Variants in KCNH5 observed in about 807,000 individuals in gnomAD.
The protein encoded by KCNH5 is voltage-gated delayed rectifier potassium channel KCNH5.
A neutral mutation model predicts 96.1 loss-of-function variants in KCNH5; 46 were observed. The ratio of observed to expected loss-of-function variants is 0.48; its 90% CI spans 0.38 to 0.61. The LOEUF is 0.61. Ranked by LOEUF, KCNH5 falls within the 20% of genes least tolerant of loss-of-function variation. The pLI is 0.00. For missense variants in KCNH5, 907 were observed against 1,225.8 expected (o/e 0.74, Z 3.88); for synonymous variants, 439 against 449.8 (o/e 0.98, Z 0.30).
At chr14:62,982,188 G>A (rs1225143292) in intron 5 of KCNH5, among the ~76,000 whole-genome samples, 1 of 152,154 alleles carries the variant, frequency 6.6e-6, no homozygotes, top group Non-Finnish European at 1.5e-5. Flanking sequence ...TATTAGATGG[G>A]CGTGGTGGTG....
chr14:63,008,919 A>C (rs898356858), intron 2 of KCNH5, among the ~76,000 whole-genome samples: 1 of 152,130 alleles, frequency 6.6e-6, no homozygotes, highest in Non-Finnish European at 1.5e-5. Flanking sequence ...AGACAAGTGA[A>C]ATTTTTAAAT....
chr14:62,921,397 AC>A (rs1889378725), intron 7 of KCNH5, among the ~76,000 whole-genome samples: 1 of 152,096 alleles, frequency 6.6e-6, no homozygotes, highest in South Asian at 2.1e-4. Flanking sequence ...CAGTCTCAAA[AC>A]CTTAACTGAA....
intron 9 of KCNH5, among the ~76,000 whole-genome samples, chr14:62,792,025 G>T (rs192229683): frequency 6.7e-4 from 102 of 151,626 alleles, no homozygotes; most frequent in Non-Finnish European, 1.0e-3. Context: ...AAGACTATAT[G>T]ATTTTTAATT....
chr14:62,958,634 T>G (rs1288680990), intron 6 of KCNH5, among the ~76,000 whole-genome samples: 1 of 152,116 alleles, frequency 6.6e-6, no homozygotes, highest in Admixed American at 6.6e-5. Context: ...CTACCTTTTT[T>G]CTTATATAAT....
At chr14:62,828,417 G>A (rs944470033) in intron 8 of KCNH5, among the ~76,000 whole-genome samples, 1 of 152,072 alleles carries the variant, frequency 6.6e-6, no homozygotes, top group African/African-American at 2.4e-5. Context: ...CTGAGACTGG[G>A]TAATTTATGT....
intron 10 of KCNH5, among the ~76,000 whole-genome samples, chr14:62,724,265 T>C (rs1257833684): frequency 2.0e-5 from 3 of 152,204 alleles, no homozygotes; most frequent in African/African-American, 4.8e-5. Flanking sequence ...GGTTATTTGA[T>C]GATTGGCGTT....
intron 7 of KCNH5, among the ~76,000 whole-genome samples, chr14:62,912,931 G>C (rs976603521): frequency 1.3e-5 from 2 of 152,132 alleles, no homozygotes; most frequent in African/African-American, 4.8e-5. Context: ...CTAAACCCCT[G>C]CTGGGAATAT....
intron 10 of KCNH5, among the ~76,000 whole-genome samples, chr14:62,739,912 T>C (rs993359818): frequency 2.0e-5 from 3 of 152,152 alleles, no homozygotes; most frequent in African/African-American, 7.2e-5. Flanking sequence ...GCAATCAACA[T>C]AAAACACAAT....
chr14:62,855,937 G>A (rs967797969), intron 7 of KCNH5, among the ~76,000 whole-genome samples: 1 of 152,034 alleles, frequency 6.6e-6, no homozygotes, highest in Non-Finnish European at 1.5e-5. Flanking sequence ...AAAAAAGACA[G>A]ACATAATCCC....
Position 62,704,932 on chromosome 14 carries a change from T to C in KCNH5, c.*2576A>G, listed in dbSNP as rs554533640. 2 of 152,100 alleles carry C rather than the reference T, an allele frequency of 1.3e-5. No homozygotes were observed. The highest frequency in any genetic ancestry group is 2.4e-5 in the African/African-American group (1 of 41,566). 9.4% of individuals were successfully genotyped at this position (152,100 alleles called of 1,614,324 possible). On this transcript the variant is annotated 3_prime_UTR_variant, in exon 11 of 11. Coordinates refer to ENST00000322893, the MANE Select transcript of KCNH5 (RefSeq NM_139318.5). Reference sequence around the variant, plus strand: ...TCTGGGAACCTAAAAGACTACTCTATATACAATGTTTGCTGAAAACATGCA... The same window carrying C: ...TCTGGGAACCTAAAAGACTACTCTACATACAATGTTTGCTGAAAACATGCA...
chr14:62,752,119 A>AGGCAAGACCC, intron 10 of KCNH5, among the ~76,000 whole-genome samples: 1 of 152,210 alleles, frequency 6.6e-6, no homozygotes, highest in South Asian at 2.1e-4. Context: ...TGCCCCTTTG[A>AGGCAAGACCC]TAGTTCCACT....
At chr14:62,992,435 TC>T (rs772806892) in intron 4 of KCNH5, among the ~76,000 whole-genome samples, 4 of 152,074 alleles carry the variant, frequency 2.6e-5, no homozygotes, top group Non-Finnish European at 5.9e-5. Context: ...TAACCTACAT[TC>T]CCACCAACAG....
At chr14:62,712,388 T>A in intron 10 of KCNH5, 1 of 446,742 alleles carries the variant, frequency 2.2e-6, no homozygotes, top group East Asian at 3.6e-5. Context: ...TGTCATGGAA[T>A]GAGAACATTT....
intron 8 of KCNH5, among the ~76,000 whole-genome samples, chr14:62,830,837 G>C (rs960908684): frequency 1.3e-5 from 2 of 151,902 alleles, no homozygotes; most frequent in African/African-American, 4.8e-5. Context: ...TTTTTCAAGA[G>C]CATCCTCTTA....
chr14:62,770,012 T>C (rs948810998), intron 10 of KCNH5, among the ~76,000 whole-genome samples: 1 of 152,234 alleles, frequency 6.6e-6, no homozygotes, highest in Admixed American at 6.5e-5. Context: ...GTTTTAGTAA[T>C]GTCTTTTCCA....
chr14:62,759,149 T>C (rs943334344), intron 10 of KCNH5, among the ~76,000 whole-genome samples: 1 of 152,196 alleles, frequency 6.6e-6, no homozygotes, highest in African/African-American at 2.4e-5. Context: ...ATGTTTTGTC[T>C]TTATTATAGT....
intron 10 of KCNH5, among the ~76,000 whole-genome samples, chr14:62,722,125 T>G (rs971899455): frequency 6.6e-6 from 1 of 152,182 alleles, no homozygotes; most frequent in African/African-American, 2.4e-5. Flanking sequence ...CTAAGCTCAT[T>G]TGAACAAAAT....
intron 8 of KCNH5, among the ~76,000 whole-genome samples, chr14:62,840,754 G>C (rs758080006): frequency 6.6e-6 from 1 of 151,360 alleles, no homozygotes; most frequent in Non-Finnish European, 1.5e-5. Context: ...ATTTTTAGTA[G>C]AGACAGGGTT....
chr14:62,779,951 C>T, intron 9 of KCNH5, 27 bp from the exon 10 acceptor site: 1 of 1,552,574 alleles, frequency 6.4e-7, no homozygotes, highest in Non-Finnish European at 8.8e-7. Context: ...GATACATATT[C>T]AAGTATCTAA....
Sources: gnomAD v4.1 joint callset for allele counts (sites outside exome capture counted in the v4.1 genomes callset) on GRCh38, gnomAD v4.1.1 for gene constraint, MANE v1.5 for transcripts, NCBI Gene and HGNC (gene_info 2026-07-23, HGNC 2026-07-21) for gene names.